Variants in TRPM1 observed in about 807,000 individuals in gnomAD.
TRPM1 encodes the protein transient receptor potential cation channel subfamily M member 1.
Under a neutral mutation model 149.4 loss-of-function variants are expected in TRPM1, and 113 were observed. The observed-to-expected ratio is 0.76, with a 90% CI of 0.65 to 0.88. The LOEUF is 0.88. Ranked by LOEUF, TRPM1 falls within the 40% of genes least tolerant of loss-of-function variation. The probability of loss-of-function intolerance (pLI) is 0.00; values close to 1 mark genes in which losing one functional copy is unlikely to be tolerated. For missense variants in TRPM1, 1,976 were observed against 2,038.7 expected, an observed-to-expected ratio of 0.97 and a Z score of 0.59; for synonymous variants, 741 against 759.5, an observed-to-expected ratio of 0.98 and a Z score of 0.40.
At chr15:31,071,893 G>A (rs571415989) in intron 3 of TRPM1, among the ~76,000 whole-genome samples, 2 of 149,748 alleles carry the variant, frequency 1.3e-5, no homozygotes, top group African/African-American at 4.9e-5. Flanking sequence ...GAACCCCGGA[G>A]GCAGAGGTTG....
intron 18 of TRPM1, 109 bp from the exon 19 acceptor site, chr15:31,038,275 C>A (rs1161142368): frequency 7.8e-7 from 1 of 1,275,792 alleles, no homozygotes; most frequent in Admixed American, 2.1e-5. Context: ...AACCTAGGAG[C>A]CCTGGAATGT....
At chr15:31,030,615 G>A (rs2033023301) in intron 23 of TRPM1, among the ~76,000 whole-genome samples, 1 of 152,206 alleles carries the variant, frequency 6.6e-6, no homozygotes, top group African/African-American at 2.4e-5. Context: ...GGAAGTATCA[G>A]TTACTCTGCT....
chr15:31,070,911 C>T (rs922041922), intron 3 of TRPM1, among the ~76,000 whole-genome samples: 2 of 152,180 alleles, frequency 1.3e-5, no homozygotes, highest in African/African-American at 4.8e-5. Context: ...TCAAGTAATG[C>T]TAAAAGGCTA....
intron 1 of TRPM1, among the ~76,000 whole-genome samples, chr15:31,153,020 T>C (rs2141063672): frequency 6.6e-6 from 1 of 152,330 alleles, no homozygotes; most frequent in Non-Finnish European, 1.5e-5. Context: ...TCATGACAGA[T>C]AGCAGGCCCT....
At chr15:31,123,933 C>G (rs1411993542) in intron 1 of TRPM1, among the ~76,000 whole-genome samples, 2 of 152,158 alleles carry the variant, frequency 1.3e-5, no homozygotes, top group Admixed American at 6.5e-5. Context: ...AAATGTGAAG[C>G]AAGCAAGATG....
At chr15:31,129,151 A>T (rs927304504) in intron 1 of TRPM1, among the ~76,000 whole-genome samples, 47 of 152,272 alleles carry the variant, frequency 3.1e-4, no homozygotes, top group Non-Finnish European at 5.9e-4. Context: ...GTGCTGTGTC[A>T]TTTCTCCACT....
chr15:31,084,809 A>T (rs1186665636), intron 1 of TRPM1, among the ~76,000 whole-genome samples: 1 of 149,738 alleles, frequency 6.7e-6, no homozygotes, highest in Non-Finnish European at 1.5e-5. Context: ...CATAGCTGGA[A>T]CTACAGGCGC....
chr15:31,103,776 G>A (rs1182837529), upstream of TRPM1, among the ~76,000 whole-genome samples: 2 of 142,090 alleles, frequency 1.4e-5, no homozygotes, highest in Non-Finnish European at 1.5e-5. Flanking sequence ...TCACACCACT[G>A]CACTCCAGCC....
intron 1 of TRPM1, among the ~76,000 whole-genome samples, chr15:31,129,696 A>G (rs1247151655): frequency 1.3e-5 from 2 of 152,200 alleles, no homozygotes; most frequent in Non-Finnish European, 2.9e-5. Context: ...ACCGTAGTAT[A>G]TGCTAAACAT....
chr15:31,087,844 A>G (rs2035045204), intron 1 of TRPM1, among the ~76,000 whole-genome samples: 1 of 152,206 alleles, frequency 6.6e-6, no homozygotes, highest in Non-Finnish European at 1.5e-5. Flanking sequence ...GGTGGCCGCC[A>G]GGAGCTGGTG....
intron 3 of TRPM1, among the ~76,000 whole-genome samples, chr15:31,076,281 C>A (rs2034688983): frequency 6.6e-6 from 1 of 152,134 alleles, no homozygotes; most frequent in Non-Finnish European, 1.5e-5. Context: ...TGTCATTATT[C>A]TACCTGCATG....
intron 27 of TRPM1, among the ~76,000 whole-genome samples, chr15:31,023,313 T>C (rs2032612222): frequency 6.6e-6 from 1 of 151,848 alleles, no homozygotes; most frequent in African/African-American, 2.4e-5. Context: ...TTTGAGGAAA[T>C]GAAAGAGAAA....
intron 27 of TRPM1, among the ~76,000 whole-genome samples, chr15:31,025,451 C>T (rs1463378824): frequency 6.6e-6 from 1 of 152,186 alleles, no homozygotes; most frequent in African/African-American, 2.4e-5. Flanking sequence ...TTCTGTACCT[C>T]GCGACCTGAC....
intron 1 of TRPM1, among the ~76,000 whole-genome samples, chr15:31,117,596 C>T (rs1313481668): frequency 2.0e-5 from 3 of 150,464 alleles, no homozygotes; most frequent in African/African-American, 4.9e-5. Context: ...TGCAGTGAGC[C>T]GAGATCACTT....
At chr15:31,139,447 A>G (rs2036130624) in intron 1 of TRPM1, among the ~76,000 whole-genome samples, 1 of 152,196 alleles carries the variant, frequency 6.6e-6, no homozygotes. Context: ...TATTAAAACT[A>G]TAAGATCTGC....
At chr15:31,100,431 A>C (rs1164830386) in intron 1 of TRPM1, among the ~76,000 whole-genome samples, 1 of 152,120 alleles carries the variant, frequency 6.6e-6, no homozygotes, top group East Asian at 1.9e-4. Context: ...ATTTTTGCTA[A>C]GGTTTAAAAA....
chr15:31,020,666 C>G (rs1157001807), intron 27 of TRPM1, among the ~76,000 whole-genome samples: 1 of 152,228 alleles, frequency 6.6e-6, no homozygotes, highest in East Asian at 1.9e-4. Flanking sequence ...GAGAGGTACA[C>G]TTTGCCCATG....
At chr15:31,049,090 C>T (rs2033862173) in intron 13 of TRPM1, among the ~76,000 whole-genome samples, 1 of 152,110 alleles carries the variant, frequency 6.6e-6, no homozygotes, top group Non-Finnish European at 1.5e-5. Context: ...GCTTGGGGAG[C>T]TAGATTCCCT....
At chr15:31,138,984 A>G (rs921703497) in intron 1 of TRPM1, among the ~76,000 whole-genome samples, 1 of 152,122 alleles carries the variant, frequency 6.6e-6, no homozygotes, top group African/African-American at 2.4e-5. Flanking sequence ...TGCCTGAACT[A>G]GGCCTTTACC....
Sources: gnomAD v4.1 joint callset for allele counts (sites outside exome capture counted in the v4.1 genomes callset) on GRCh38, gnomAD v4.1.1 for gene constraint, MANE v1.5 for transcripts, NCBI Gene and HGNC (gene_info 2026-07-23, HGNC 2026-07-21) for gene names.